The following ME1 variants were observed in gnomAD, a reference collection of about 807,000 sequenced individuals.
ME1 encodes NADP-dependent malic enzyme.
In ME1, 74 loss-of-function variants were observed where a neutral mutation model predicts 66.4. The observed-to-expected ratio is 1.11, with a 90% CI of 0.92 to 1.35. The LOEUF (loss-of-function observed/expected upper bound fraction) is 1.35, where lower values mean the gene tolerates loss of function less well. Ranked by LOEUF, ME1 falls within the 40% of genes most tolerant of loss-of-function variation. The probability of loss-of-function intolerance (pLI) is 0.00; values close to 1 mark genes in which losing one functional copy is unlikely to be tolerated. For missense variants in ME1, 750 were observed against 694.1 expected (o/e 1.08, Z -0.90); for synonymous variants, 251 against 235.6 (o/e 1.07, Z -0.60).
rs1459617099 is a variant in ME1, at chr6:83,393,446, G to A, written c.362+4921C>T. The A allele has an allele frequency of 8.8e-6, 5 of 569,006 alleles. No homozygotes were observed. In the Admixed American group the frequency reaches 1.4e-4, roughly 16 times the overall value. 35.2% of individuals were successfully genotyped at this position (569,006 alleles called of 1,614,324 possible). ...CACCAGCCCCAGCGACAGCACGACG[G>A]GAAGAGAGCGGCCCTCACTGCTGGA... is the stretch of plus-strand genomic sequence containing the variant. On this transcript the variant is annotated intron_variant, in intron 3 of 13. Transcript: ENST00000369705.
At chr6:83,417,104 C>T (rs536516936) in intron 1 of ME1, among the ~76,000 whole-genome samples, 30 of 152,084 alleles carry the variant, frequency 2.0e-4, no homozygotes, top group Admixed American at 3.9e-4. Flanking sequence ...GGATAGAGTG[C>T]GGTAGTATAA....
At chr6:83,406,947 C>T (rs1769955739) in intron 2 of ME1, among the ~76,000 whole-genome samples, 1 of 148,182 alleles carries the variant, frequency 6.7e-6, no homozygotes, top group African/African-American at 2.6e-5. Context: ...TCCCTCTATC[C>T]ATTTATATTT....
intron 3 of ME1, among the ~76,000 whole-genome samples, chr6:83,358,850 T>C (rs1255346346): frequency 6.6e-6 from 1 of 152,144 alleles, no homozygotes; most frequent in East Asian, 1.9e-4. Flanking sequence ...CTGAGGCAGT[T>C]GCCAGGCAAG....
chr6:83,219,527 C>G, intron 12 of ME1, among the ~76,000 whole-genome samples: 1 of 152,080 alleles, frequency 6.6e-6, no homozygotes, highest in East Asian at 1.9e-4. Context: ...TAAATGCCAG[C>G]AAACAATTTA....
intron 5 of ME1, among the ~76,000 whole-genome samples, chr6:83,327,135 A>T (rs1415927529): frequency 6.6e-6 from 1 of 152,138 alleles, no homozygotes; most frequent in East Asian, 1.9e-4. Context: ...CTTTGCTTTA[A>T]TCTCTTAATC....
chr6:83,326,622 A>C (rs539590628), intron 5 of ME1, among the ~76,000 whole-genome samples: 1 of 152,338 alleles, frequency 6.6e-6, no homozygotes, highest in African/African-American at 2.4e-5. Flanking sequence ...TGGCCAAAAA[A>C]CATAAAAAAA....
intron 3 of ME1, among the ~76,000 whole-genome samples, chr6:83,392,229 T>A (rs1583414163): frequency 2.7e-5 from 4 of 147,980 alleles, no homozygotes; most frequent in Admixed American, 1.4e-4. Flanking sequence ...GGCTGCCTGG[T>A]CACCAGGGCT....
At chr6:83,249,691 G>A (rs1205962415) in intron 7 of ME1, among the ~76,000 whole-genome samples, 2 of 151,514 alleles carry the variant, frequency 1.3e-5, no homozygotes, top group African/African-American at 2.4e-5. Context: ...ATTCCACTTC[G>A]ACTGACTTCC....
intron 3 of ME1, among the ~76,000 whole-genome samples, chr6:83,391,596 T>C (rs1292467042): frequency 6.6e-6 from 1 of 152,160 alleles, no homozygotes; most frequent in Non-Finnish European, 1.5e-5. Flanking sequence ...TTAGGGCTTT[T>C]CATTTAGCTA....
chr6:83,227,470 A>T lies in ME1; in HGVS notation c.1140T>A (p.Ala380=). 7 of 1,597,400 alleles carry T rather than the reference A, an allele frequency of 4.4e-6. No individual in the cohort carries two copies. The highest frequency in any genetic ancestry group is 6.0e-6 in the Non-Finnish European group (7 of 1,169,920). The change falls in exon 11 of 14, where the codon GCT becomes GCA. Residue 380 remains alanine (A), a synonymous_variant. Coordinates refer to ENST00000369705, the MANE Select transcript of ME1 (RefSeq NM_002395.6). The part of the protein sequence containing the change: ...EIKPTALIGV[A]AIGGAFSEQI... The stretch of plus-strand genomic sequence containing the variant: ...GTTCTGAGAATGCACCACCAATTGC[A>T]GCAACTCCTAATGAAGAAATATGAA...
rs1015159859 is a variant in ME1, at chr6:83,243,329, ATATAAT to A, written c.815-3699_815-3694del. Among the ~76,000 whole-genome samples, 214 of 140,374 alleles carry A rather than the reference ATATAAT, an allele frequency of 1.5e-3. 3 individuals are homozygous for A. Among genetic ancestry groups the A allele is most frequent in the Admixed American group, 9.1e-3 (119 of 13,122 alleles). 92.1% of individuals were successfully genotyped at this position (140,374 alleles called of 152,430 possible). ...ATACAATTATATGTAATTATATAAAATATAATTATATTATATTTATATATTTATATA... is the reference window on the plus strand; with the variant it reads ...ATACAATTATATGTAATTATATAAAATATATTATATTTATATATTTATATA... On this transcript the variant is annotated intron_variant, in intron 7 of 13. Coordinates refer to ENST00000369705, the MANE Select transcript of ME1 (RefSeq NM_002395.6).
chr6:83,303,853 A>G (rs1767775110), intron 6 of ME1, among the ~76,000 whole-genome samples: 1 of 152,166 alleles, frequency 6.6e-6, no homozygotes, highest in Admixed American at 6.5e-5. Context: ...TATTAACAAC[A>G]GAAACAATAA....
intron 5 of ME1, among the ~76,000 whole-genome samples, chr6:83,341,847 T>C (rs916160408): frequency 1.3e-5 from 2 of 152,118 alleles, no homozygotes; most frequent in Non-Finnish European, 2.9e-5. Context: ...AGATGAGAAA[T>C]TGAAAGTACC....
At chr6:83,243,113 T>A (rs920664531) in intron 7 of ME1, among the ~76,000 whole-genome samples, 15 of 150,658 alleles carry the variant, frequency 1.0e-4, no homozygotes, top group Admixed American at 4.0e-4. Context: ...ATTTTTTTTT[T>A]AAATTAGCTG....
intron 5 of ME1, among the ~76,000 whole-genome samples, chr6:83,317,838 T>C (rs553277192): frequency 3.8e-4 from 58 of 152,232 alleles, no homozygotes; most frequent in East Asian, 1.7e-3. Context: ...GAGCCCGCAC[T>C]GCCAAGTCAA....
intron 6 of ME1, among the ~76,000 whole-genome samples, chr6:83,278,013 G>T (rs1767220438): frequency 6.6e-6 from 1 of 151,800 alleles, no homozygotes; most frequent in Admixed American, 6.6e-5. Context: ...CTGAATCTAG[G>T]GTCAGAGTTT....
intron 8 of ME1, among the ~76,000 whole-genome samples, chr6:83,238,687 A>T (rs1301629114): frequency 6.6e-6 from 1 of 151,832 alleles, no homozygotes; most frequent in Non-Finnish European, 1.5e-5. Flanking sequence ...ATTTTGTTTT[A>T]TCTAAAAACA....
At chr6:83,220,179 A>T (rs1472794456) in intron 12 of ME1, among the ~76,000 whole-genome samples, 1 of 152,236 alleles carries the variant, frequency 6.6e-6, no homozygotes, top group Admixed American at 6.5e-5. Flanking sequence ...AGGATAGCTG[A>T]GTAAAGAAGA....
chr6:83,287,872 T>A (rs1422491456), intron 6 of ME1, among the ~76,000 whole-genome samples: 8 of 152,202 alleles, frequency 5.3e-5, no homozygotes, highest in African/African-American at 1.7e-4. Context: ...GGTATCTCAT[T>A]GTGGTTTTGA....
Sources: gnomAD v4.1 joint callset for allele counts (sites outside exome capture counted in the v4.1 genomes callset) on GRCh38, gnomAD v4.1.1 for gene constraint, MANE v1.5 for transcripts, NCBI Gene and HGNC (gene_info 2026-07-23, HGNC 2026-07-21) for gene names.